ATRNL1: variants seen among roughly 807,000 people sequenced by gnomAD.
The protein encoded by ATRNL1 is attractin like 1.
In ATRNL1, 95 loss-of-function variants were observed where a neutral mutation model predicts 182.7. The ratio of observed to expected loss-of-function variants is 0.52; its 90% CI spans 0.44 to 0.62. The LOEUF is 0.62. ATRNL1 is among the 20% of genes least tolerant of loss of function. The probability of loss-of-function intolerance (pLI) is 0.00; values close to 1 mark genes in which losing one functional copy is unlikely to be tolerated. For synonymous variants in ATRNL1, 576 were observed against 568.3 expected (o/e 1.01, Z -0.19); for missense variants, 1,471 against 1,679.5 (o/e 0.88, Z 2.17).
intron 8 of ATRNL1, among the ~76,000 whole-genome samples, chr10:115,187,728 G>C (rs1554889051): frequency 8.8e-6 from 1 of 114,222 alleles, no homozygotes; most frequent in East Asian, 2.8e-4. Context: ...GTCTCCCTCT[G>C]TAGCCCAGGC....
chr10:115,770,686 T>C (rs1555076151), intron 27 of ATRNL1, among the ~76,000 whole-genome samples: 1 of 152,192 alleles, frequency 6.6e-6, no homozygotes, highest in Non-Finnish European at 1.5e-5. Flanking sequence ...GATATATTCA[T>C]GTTTAAAATG....
chr10:115,118,462 T>A (rs1403467403), intron 1 of ATRNL1, among the ~76,000 whole-genome samples: 1 of 152,126 alleles, frequency 6.6e-6, no homozygotes, highest in East Asian at 1.9e-4. Flanking sequence ...ATATTGGCAG[T>A]TCTGGCAGCA....
chr10:115,176,700 G>T (rs1382216967), intron 8 of ATRNL1, among the ~76,000 whole-genome samples: 1 of 152,050 alleles, frequency 6.6e-6, no homozygotes, highest in Non-Finnish European at 1.5e-5. Flanking sequence ...TTTTAACGAT[G>T]AGGAGTTCAG....
At chr10:115,523,575 A>G (rs1437859530) in intron 25 of ATRNL1, among the ~76,000 whole-genome samples, 1 of 152,216 alleles carries the variant, frequency 6.6e-6, no homozygotes, top group Non-Finnish European at 1.5e-5. Context: ...AAAAGCAGCC[A>G]CATTACTTCT....
intron 26 of ATRNL1, among the ~76,000 whole-genome samples, chr10:115,682,066 C>A (rs949787241): frequency 6.6e-6 from 1 of 151,988 alleles, no homozygotes; most frequent in East Asian, 1.9e-4. Context: ...GGTCTAATAC[C>A]AGTTCTTACT....
chr10:115,885,260 G>A (rs1213357631), intron 28 of ATRNL1, among the ~76,000 whole-genome samples: 1 of 152,186 alleles, frequency 6.6e-6, no homozygotes, highest in African/African-American at 2.4e-5. Context: ...CAGGGAGATT[G>A]TATAGCATGT....
chr10:115,704,325 A>G (rs1946831840), intron 26 of ATRNL1, among the ~76,000 whole-genome samples: 1 of 151,828 alleles, frequency 6.6e-6, no homozygotes, highest in Admixed American at 6.6e-5. Context: ...CTCTACATTG[A>G]ATTGTCTTTA....
Position 115,164,824 on chromosome 10 carries a change from G to A in ATRNL1, c.1005-734G>A, listed in dbSNP as rs74236827. ...TGGTGGCTACCACAGCATGAGAAGA[G>A]AAGCAGGGAGAAGGGGACAAAGAGA... On this transcript the variant is annotated intron_variant, in intron 6 of 28. Coordinates refer to ENST00000355044, the MANE Select transcript of ATRNL1 (RefSeq NM_207303.4). 9.9e-3 allele frequency among the ~76,000 whole-genome samples: 1,505 copies of A among 152,196 alleles called. 23 individuals carry two copies. The highest frequency in any genetic ancestry group is 0.066 in the East Asian group (344 of 5,178).
intron 7 of ATRNL1, among the ~76,000 whole-genome samples, chr10:115,169,987 T>C (rs1467005628): frequency 2.0e-5 from 3 of 152,172 alleles, no homozygotes; most frequent in African/African-American, 7.2e-5. Flanking sequence ...TGTACATTGA[T>C]CTTATGTTCT....
At position 115,868,298 on chromosome 10, in the gene ATRNL1, T is replaced by C. The variant is rs1380696219; in HGVS notation, c.4018+20307T>C. Among the ~76,000 whole-genome samples, 5 of 152,170 alleles carry C rather than the reference T, an allele frequency of 3.3e-5. No individual in the cohort carries two copies. In the South Asian group the frequency reaches 1.0e-3, roughly 32 times the overall value. Reference sequence around the variant, plus strand: ...ATTATTGCCATCTTCATTTATTCCCTAGCCCATTGTAATCTGACTTCAGTA... The same window carrying C: ...ATTATTGCCATCTTCATTTATTCCCCAGCCCATTGTAATCTGACTTCAGTA... On this transcript the variant is annotated intron_variant, in intron 28 of 28. Transcript: ENST00000355044.
intron 26 of ATRNL1, among the ~76,000 whole-genome samples, chr10:115,667,657 T>C (rs1364643828): frequency 2.6e-5 from 4 of 151,652 alleles, no homozygotes; most frequent in African/African-American, 9.7e-5. Context: ...TGCATCTTTT[T>C]TTTTTTTCCT....
intron 9 of ATRNL1, among the ~76,000 whole-genome samples, chr10:115,239,863 G>C (rs1850341719): frequency 6.6e-6 from 1 of 152,174 alleles, no homozygotes; most frequent in Admixed American, 6.5e-5. Flanking sequence ...TCCCAGAACA[G>C]AGCTTCTGTA....
chr10:115,634,117 A>ATG (rs1858709034), intron 26 of ATRNL1, among the ~76,000 whole-genome samples: 1 of 152,108 alleles, frequency 6.6e-6, no homozygotes, highest in African/African-American at 2.4e-5. Context: ...TGAAAATTAA[A>ATG]ATTAGCGTCT....
chr10:115,933,503 A>C (rs2134599718), intron 28 of ATRNL1, among the ~76,000 whole-genome samples: 1 of 152,330 alleles, frequency 6.6e-6, no homozygotes, highest in East Asian at 1.9e-4. Flanking sequence ...CCACAAGCAC[A>C]CATGGAGGGG....
chr10:115,527,926 CCCTCCTTCCT>C (rs1851319173), intron 25 of ATRNL1, among the ~76,000 whole-genome samples: 1 of 73,604 alleles, frequency 1.4e-5, no homozygotes, highest in African/African-American at 5.1e-5. Context: ...CTCCCTTCCT[CCCTCCTTCCT>C]TCTCCTTCCT....
chr10:115,455,385 A>G (rs1554968506), intron 21 of ATRNL1, among the ~76,000 whole-genome samples: 1 of 152,188 alleles, frequency 6.6e-6, no homozygotes, highest in Non-Finnish European at 1.5e-5. Flanking sequence ...AGCAATGAGG[A>G]AAGGATTCCC....
At chr10:115,617,907 G>A (rs1857520736) in intron 26 of ATRNL1, among the ~76,000 whole-genome samples, 1 of 152,180 alleles carries the variant, frequency 6.6e-6, no homozygotes, top group African/African-American at 2.4e-5. Context: ...AATGTTATAG[G>A]TGGGGTCTTG....
At chr10:115,740,728 A>T (rs1948113118) in intron 27 of ATRNL1, among the ~76,000 whole-genome samples, 1 of 151,794 alleles carries the variant, frequency 6.6e-6, no homozygotes, top group Admixed American at 6.6e-5. Flanking sequence ...CTGGCCTCAA[A>T]CTCCTAACCT....
intron 10 of ATRNL1, among the ~76,000 whole-genome samples, chr10:115,244,992 A>G (rs1850568862): frequency 6.6e-6 from 1 of 152,240 alleles, no homozygotes; most frequent in African/African-American, 2.4e-5. Flanking sequence ...ATGAGATTTA[A>G]CGAATAATCG....
Sources: allele counts gnomAD v4.1 joint callset (sites outside exome capture counted in the v4.1 genomes callset), GRCh38; gene constraint gnomAD v4.1.1; transcripts MANE v1.5; gene names NCBI Gene and HGNC (gene_info 2026-07-23, HGNC 2026-07-21).